ZNF28: variants seen among roughly 807,000 people sequenced by gnomAD.
The protein encoded by ZNF28 is zinc finger protein KOX24.
In ZNF28, 5 loss-of-function variants were observed where a neutral mutation model predicts 7.2. That is an observed-to-expected ratio of 0.70 (90% CI 0.36 to 1.46). The LOEUF is 1.46. Ranked by LOEUF, ZNF28 falls within the 40% of genes most tolerant of loss-of-function variation. The pLI is 0.03. For missense variants in ZNF28, 879 were observed against 866.6 expected (o/e 1.01, Z -0.18); for synonymous variants, 288 against 292.4 (o/e 0.99, Z 0.15).
intron 3 of ZNF28, among the ~76,000 whole-genome samples, chr19:52,802,262 T>C (rs1215365707): frequency 1.3e-5 from 2 of 152,170 alleles, no homozygotes; most frequent in African/African-American, 2.4e-5. Context: ...ACAGCTACTC[T>C]GAAGGCTGTG....
chr19:52,811,161 C>T (rs28584987), intron 2 of ZNF28, among the ~76,000 whole-genome samples: 15,750 of 150,570 alleles, frequency 0.1, 1,218 homozygotes, highest in African/African-American at 0.2. Context: ...CCCGAGGTGC[C>T]GGGATTGCAG....
rs2063199040 is a variant in ZNF28, at chr19:52,821,589, CCG to C, written c.-79_-78del. 6.6e-6 allele frequency: 1 copy of C among 152,174 alleles called. No homozygotes were observed. Among genetic ancestry groups the C allele is most frequent in the Non-Finnish European group, 1.5e-5 (1 of 68,042 alleles). The allele number at this position is 152,174 out of a possible 1,614,324, so 9.4% of individuals were successfully genotyped here. ...CACCACACAGAGCAAAACTCACCGC[CCG>C]CCGCGGCGTCACCGTCATTCCACGG... is the stretch of plus-strand genomic sequence containing the variant. On this transcript the variant is annotated 5_prime_UTR_variant, in exon 1 of 4. The change abolishes the stop of an existing upstream ORF in the 5' untranslated region. Transcript: ENST00000457749.
Position 52,801,035 on chromosome 19 carries a change from A to G in ZNF28, c.810T>C (p.Pro270=), listed in dbSNP as rs1457092498. ...TCTTGCCACACTCATTACACTTGTA[A>G]GGTTTCTCATCAATGTGAGATCTAC... is the stretch of plus-strand genomic sequence containing the variant. ...CHRRSHIDEK[P]YKCNECGKIF... Residue 270 remains proline, a synonymous_variant, in exon 4 of 4, where the codon CCT becomes CCC. Coordinates refer to ENST00000457749, the MANE Select transcript of ZNF28 (RefSeq NM_006969.5). 6.2e-7 allele frequency: 1 copy of G among 1,614,138 alleles called. No homozygotes were observed. The highest frequency in any genetic ancestry group is 1.7e-5 in the Admixed American group (1 of 60,018).
In ZNF28 at chr19:52,801,182, G is replaced by T. The variant is rs112419709; in HGVS notation, c.663C>A (p.Gly221=). ...REKSFQCIES[G]KSFNCSSLLK... Reference sequence around the variant, plus strand: ...AAAGTGAGCTACAATTAAAGGATTTGCCACTCTCAATACATTGGAAAGATT... The same window carrying T: ...AAAGTGAGCTACAATTAAAGGATTTTCCACTCTCAATACATTGGAAAGATT... Residue 221 remains glycine, a synonymous_variant, in exon 4 of 4, where the codon GGC becomes GGA. Coordinates refer to ENST00000457749, the MANE Select transcript of ZNF28 (RefSeq NM_006969.5). The T allele has an allele frequency of 2.5e-4, 406 of 1,614,082 alleles. No homozygotes were observed. The African/African-American group carries it at 5.0e-3, about 20-fold the overall frequency.
At chr19:52,811,362 G>A (rs1266916523) in intron 2 of ZNF28, among the ~76,000 whole-genome samples, 2 of 147,646 alleles carry the variant, frequency 1.4e-5, no homozygotes, top group Non-Finnish European at 3.0e-5. Context: ...CATTGTCTGG[G>A]ATGTGAGGAG....
rs2062826683 is a variant in ZNF28, at chr19:52,798,758, T to G, written c.*930A>C. The G allele has an allele frequency of 3.3e-6, 2 of 613,624 alleles. No individual in the cohort carries two copies. The highest frequency in any genetic ancestry group is 5.8e-6 in the Non-Finnish European group (2 of 346,050). The allele number at this position is 613,624 out of a possible 1,614,324, so 38.0% of individuals were successfully genotyped here. A position where few individuals can be genotyped will look rare whatever the true frequency, so the allele number is the denominator to read the frequency against. On this transcript the variant is annotated 3_prime_UTR_variant, in exon 4 of 4. Transcript: ENST00000457749. ...ACGATATCTGAAAAATCTGTCACAT[T>G]TATTACACTTGTAAGATCTCTCATT...
At chr19:52,802,983 G>A (rs1162257973) in intron 3 of ZNF28, among the ~76,000 whole-genome samples, 10 of 151,972 alleles carry the variant, frequency 6.6e-5, no homozygotes, top group African/African-American at 2.2e-4. Flanking sequence ...GGATGGTCTC[G>A]ATCTCCTGAC....
chr19:52,820,957 G>A (rs1178106224), intron 1 of ZNF28, among the ~76,000 whole-genome samples: 1 of 151,968 alleles, frequency 6.6e-6, no homozygotes, highest in African/African-American at 2.4e-5. Flanking sequence ...AGGGTTTGGA[G>A]TAAGACACCT....
intron 1 of ZNF28, among the ~76,000 whole-genome samples, chr19:52,819,793 C>T (rs1472445927): frequency 7.0e-6 from 1 of 143,880 alleles, no homozygotes; most frequent in African/African-American, 2.8e-5. Context: ...ATGAAATTGA[C>T]TCCCAACATT....
At chr19:52,806,264 G>C (rs369756673) in intron 3 of ZNF28, among the ~76,000 whole-genome samples, 35 of 151,656 alleles carry the variant, frequency 2.3e-4, no homozygotes, top group African/African-American at 8.5e-4. Context: ...TGCGATCTCG[G>C]CTCACTGCAA....
chr19:52,808,434 A>G (rs957010636), intron 2 of ZNF28, among the ~76,000 whole-genome samples: 6 of 152,196 alleles, frequency 3.9e-5, no homozygotes, highest in African/African-American at 1.4e-4. Flanking sequence ...CATTATCTAG[A>G]TGAGAGAGAG....
At chr19:52,803,074 A>T (rs2062894339) in intron 3 of ZNF28, among the ~76,000 whole-genome samples, 1 of 149,314 alleles carries the variant, frequency 6.7e-6, no homozygotes. Context: ...TTTTAAAAAA[A>T]ATTTTATGTA....
At position 52,800,609 on chromosome 19, in the gene ZNF28, T is replaced by A. The variant is rs1369338884; in HGVS notation, c.1236A>T (p.Lys412Asn). The change falls in exon 4 of 4, where the codon AAA becomes AAT. Residue 412 changes from lysine (K) to asparagine (N), a missense_variant. Physicochemically the swap from Lys to Asn is moderately conservative, Grantham distance 94. Coordinates refer to ENST00000457749, the MANE Select transcript of ZNF28 (RefSeq NM_006969.5). ...CAAAAGCCTTGTCACAAACCTTACATTTGTATGGTTTCTCTCCAGTATGAA... is the reference window on the plus strand; with the variant it reads ...CAAAAGCCTTGTCACAAACCTTACAATTGTATGGTTTCTCTCCAGTATGAA... Reference protein sequence around the residue: ...KRIHTGEKPYKCKVCDKAFAY... With the variant: ...KRIHTGEKPYNCKVCDKAFAY... The A allele has an allele frequency of 6.2e-7, 1 of 1,613,848 alleles. No homozygotes were observed. The highest frequency in any genetic ancestry group is 8.5e-7 in the Non-Finnish European group (1 of 1,179,928).
intron 2 of ZNF28, 138 bp downstream of exon 2, chr19:52,817,806 G>A (rs1343377577): frequency 1.9e-6 from 3 of 1,541,186 alleles, no homozygotes; most frequent in Non-Finnish European, 1.8e-6. Context: ...GAGATGAGAT[G>A]AACTGAAGGA....
chr19:52,815,190 T>A (rs1441371884), intron 2 of ZNF28, among the ~76,000 whole-genome samples: 1 of 144,586 alleles, frequency 6.9e-6, no homozygotes, highest in Non-Finnish European at 1.5e-5. Context: ...AAAGGATACT[T>A]TGGCAGTGGG....
At chr19:52,806,781 A>G (rs574686291) in intron 3 of ZNF28, among the ~76,000 whole-genome samples, 248 of 151,998 alleles carry the variant, frequency 1.6e-3, no homozygotes, top group Non-Finnish European at 3.2e-3. Flanking sequence ...GAGCGCCTGC[A>G]GTTCCAGCTA....
rs1055210832 is a variant in ZNF28, at chr19:52,798,554, A to G, written c.*1134T>C. ...GTCCAGCATGGATTCTCTGATGTCT[A>G]TTGAGGTGTGAATGTGAAGTAAACG... On this transcript the variant is annotated 3_prime_UTR_variant, in exon 4 of 4. Coordinates refer to ENST00000457749, the MANE Select transcript of ZNF28 (RefSeq NM_006969.5). The G allele has an allele frequency of 1.2e-5, 6 of 506,416 alleles. No homozygotes were observed. The highest frequency in any genetic ancestry group is 1.2e-4 in the African/African-American group (6 of 51,092). 31.4% of individuals were successfully genotyped at this position (506,416 alleles called of 1,614,324 possible).
At chr19:52,813,997 T>C (rs1352682766) in intron 2 of ZNF28, among the ~76,000 whole-genome samples, 2 of 146,370 alleles carry the variant, frequency 1.4e-5, no homozygotes, top group Non-Finnish European at 1.5e-5. Context: ...AATAAAGTTG[T>C]TTTTGAAAAT....
Position 52,808,246 on chromosome 19 carries a change from T to C in ZNF28, c.16-113A>G, listed in dbSNP as rs2062962635. The C allele has an allele frequency of 7.9e-6, 12 of 1,525,136 alleles. No individual in the cohort carries two copies. The South Asian group carries it at 1.6e-4, about 20-fold the overall frequency. The allele number at this position is 1,525,136 out of a possible 1,614,324, so 94.5% of individuals were successfully genotyped here. A position where few individuals can be genotyped will look rare whatever the true frequency, so the allele number is the denominator to read the frequency against. ...TAGTTGTAGTGAATGTTCTCACAAA[T>C]CCGAGTGACGGATTTTTCACCACAT... is the stretch of plus-strand genomic sequence containing the variant. On this transcript the variant is annotated intron_variant, in intron 2 of 3. Transcript: ENST00000457749.
Sources: gnomAD v4.1 joint callset for allele counts (sites outside exome capture counted in the v4.1 genomes callset) on GRCh38, gnomAD v4.1.1 for gene constraint, MANE v1.5 for transcripts, NCBI Gene and HGNC (gene_info 2026-07-23, HGNC 2026-07-21) for gene names.